ERICH1: variants seen among roughly 807,000 people sequenced by gnomAD.
The protein encoded by ERICH1 is glutamate-rich protein 1.
In ERICH1, 56 loss-of-function variants were observed where a neutral mutation model predicts 39.6. The ratio of observed to expected loss-of-function variants is 1.41; its 90% CI spans 1.14 to 1.77. The LOEUF is 1.77. Ranked by LOEUF, ERICH1 falls within the 40% of genes most tolerant of loss-of-function variation. The pLI is 0.00. For missense variants in ERICH1, 826 were observed against 575.4 expected (o/e 1.44, Z -4.45); for synonymous variants, 313 against 223.6 (o/e 1.40, Z -3.57).
At chr8:696,502 T>C (rs1269532437) in intron 2 of ERICH1, among the ~76,000 whole-genome samples, 10 of 3,064 alleles carry the variant, frequency 3.3e-3, no homozygotes, top group Admixed American at 0.021. Flanking sequence ...TCTCACCCTC[T>C]CTCCCTCTCC....
At chr8:634,883 A>C (rs1798304055) in intron 3 of ERICH1, among the ~76,000 whole-genome samples, 1 of 152,190 alleles carries the variant, frequency 6.6e-6, no homozygotes. Context: ...CCTTCCAGGA[A>C]TCAGGTAACA....
chr8:700,103 G>A (rs1427777143), intron 2 of ERICH1, among the ~76,000 whole-genome samples: 3 of 129,648 alleles, frequency 2.3e-5, no homozygotes, highest in Non-Finnish European at 3.2e-5. Flanking sequence ...GCACAGACCC[G>A]CACACGCGCA....
chr8:686,770 G>GA (rs34880549), intron 3 of ERICH1: 43,102 of 152,264 alleles, frequency 0.28, 6,419 homozygotes, highest in Middle Eastern at 0.4. Context: ...CACTCAGAGA[G>GA]AGAGAGAGAG....
chr8:640,779 G>A (rs998000930), intron 3 of ERICH1: 1 of 152,210 alleles, frequency 6.6e-6, no homozygotes, highest in South Asian at 2.1e-4. Flanking sequence ...TTTCCACGTT[G>A]GGTGCAGCTG....
intron 3 of ERICH1, among the ~76,000 whole-genome samples, chr8:638,293 T>C (rs947144768): frequency 2.6e-5 from 4 of 152,316 alleles, no homozygotes; most frequent in Middle Eastern, 3.4e-3. Flanking sequence ...CCAACATTCC[T>C]GGGGCTCGAT....
intron 3 of ERICH1, among the ~76,000 whole-genome samples, chr8:658,471 C>A (rs1343101348): frequency 1.3e-5 from 2 of 152,204 alleles, no homozygotes; most frequent in Admixed American, 1.3e-4. Flanking sequence ...TGGGCCAAAC[C>A]CCTCTTCCCA....
At chr8:630,712 C>A (rs1298691630) in intron 3 of ERICH1, among the ~76,000 whole-genome samples, 3 of 141,260 alleles carry the variant, frequency 2.1e-5, no homozygotes, top group Non-Finnish European at 4.6e-5. Flanking sequence ...AGAGCTGACA[C>A]ACACCCTCCT....
intron 3 of ERICH1, among the ~76,000 whole-genome samples, chr8:682,626 G>A (rs1275142134): frequency 2.6e-5 from 4 of 152,214 alleles, no homozygotes. Flanking sequence ...AGTGCGCTTT[G>A]AAAAGCTGCC....
chr8:709,460 G>A (rs1176751974), intron 2 of ERICH1, among the ~76,000 whole-genome samples: 4 of 152,162 alleles, frequency 2.6e-5, no homozygotes, highest in African/African-American at 7.2e-5. Flanking sequence ...ACCTGGACAC[G>A]GCTCCAACTG....
chr8:715,823 A>C (rs1011524984), intron 2 of ERICH1, 38 bp downstream of exon 2: 57 of 1,580,234 alleles, frequency 3.6e-5, no homozygotes, highest in Non-Finnish European at 4.6e-5. Context: ...GGTTAACTTC[A>C]GTTTCTGAGA....
intron 3 of ERICH1, among the ~76,000 whole-genome samples, chr8:652,145 G>A (rs567892843): frequency 5.3e-5 from 8 of 152,272 alleles, no homozygotes; most frequent in Non-Finnish European, 8.8e-5. Context: ...GGTGCTCCAT[G>A]CCACCCCATC....
chr8:690,162 C>T (rs1808584845), intron 3 of ERICH1, among the ~76,000 whole-genome samples: 1 of 152,162 alleles, frequency 6.6e-6, no homozygotes, highest in Admixed American at 6.5e-5. Context: ...GGTCCCAGAA[C>T]CACATCCAAC....
chr8:706,304 A>G (rs777639233), intron 2 of ERICH1, among the ~76,000 whole-genome samples: 1 of 152,242 alleles, frequency 6.6e-6, no homozygotes, highest in Non-Finnish European at 1.5e-5. Flanking sequence ...CAAGGTCAAT[A>G]CACAAAATCC....
chr8:671,558 T>C (rs968733017), intron 4 of ERICH1, among the ~76,000 whole-genome samples: 2 of 141,740 alleles, frequency 1.4e-5, no homozygotes, highest in African/African-American at 5.3e-5. Flanking sequence ...CTGGCTGTAA[T>C]GTCTGTGCCC....
At chr8:660,095 C>T (rs909216739), downstream of ERICH1, among the ~76,000 whole-genome samples, 7 of 152,050 alleles carry the variant, frequency 4.6e-5, no homozygotes, top group Admixed American at 4.6e-4. Context: ...GCTGAGCTCC[C>T]GAAGGCAGGG....
downstream of ERICH1, among the ~76,000 whole-genome samples, chr8:662,621 G>A (rs1404124082): frequency 6.6e-6 from 1 of 152,138 alleles, no homozygotes. Flanking sequence ...GCACTCCAGC[G>A]TGGGCAACAA....
chr8:624,377 C>T (rs1448331987), intron 3 of ERICH1, among the ~76,000 whole-genome samples: 1 of 152,216 alleles, frequency 6.6e-6, no homozygotes, highest in Non-Finnish European at 1.5e-5. Context: ...AAGGTGAACA[C>T]AGAGTCACCA....
chr8:652,158 C>T (rs1042496818), intron 3 of ERICH1, among the ~76,000 whole-genome samples: 3 of 152,210 alleles, frequency 2.0e-5, no homozygotes, highest in Non-Finnish European at 4.4e-5. Context: ...ACCCCATCGA[C>T]GCCTTCCCTG....
chr8:670,939 C>A (rs1053419987), intron 4 of ERICH1, among the ~76,000 whole-genome samples: 3 of 151,962 alleles, frequency 2.0e-5, no homozygotes, highest in Non-Finnish European at 2.9e-5. Context: ...CACCGGTCCC[C>A]CAGGCTCCAA....
Sources: gnomAD v4.1 joint callset for allele counts (sites outside exome capture counted in the v4.1 genomes callset) on GRCh38, gnomAD v4.1.1 for gene constraint, MANE v1.5 for transcripts, NCBI Gene and HGNC (gene_info 2026-07-23, HGNC 2026-07-21) for gene names.